Variants in FAM120B observed in about 807,000 individuals in gnomAD.
FAM120B encodes family with sequence similarity 120 member B.
FAM120B carries 83 observed loss-of-function variants against 96.3 expected under a neutral mutation model. The observed-to-expected ratio is 0.86, with a 90% confidence interval of 0.72 to 1.03. The LOEUF is 1.03. Among genes scored for constraint, FAM120B ranks in the 50% least tolerant of loss-of-function variants. The pLI, the probability that FAM120B is intolerant of heterozygous loss-of-function variation, is 0.00. For synonymous variants in FAM120B, 407 were observed against 402.7 expected (o/e 1.01, Z -0.13); for missense variants, 1,027 against 1,121.2 (o/e 0.92, Z 1.20).
chr6:170,318,193 C>T lies in FAM120B; in HGVS notation c.803C>T (p.Ser268Leu). 1 of 1,614,088 alleles carries T rather than the reference C, an allele frequency of 6.2e-7. No individual in the cohort carries two copies. The highest frequency in any genetic ancestry group is 1.1e-5 in the South Asian group (1 of 91,064). ...DKKGNIILAV[S>L]DHISKVLYLY... ...AAAGGTAACATCATATTAGCTGTGT[C>T]AGACCATATATCGAAAGTTCTTTAC... Residue 268 changes from serine to leucine, a missense_variant, in exon 2 of 11, where the codon TCA becomes TTA. Physicochemically the swap from Ser to Leu is moderately radical, Grantham distance 145. Transcript: ENST00000476287.
chr6:170,358,357 C>A, intron 6 of FAM120B, 39 bp downstream of exon 6: 2 of 1,366,378 alleles, frequency 1.5e-6, no homozygotes, highest in Non-Finnish European at 2.1e-6. Context: ...GCCCGGAAGA[C>A]AGCTGTGCAG....
At chr6:170,319,253 C>T (rs1446019395) in intron 2 of FAM120B, 129 bp downstream of exon 2, 8 of 845,954 alleles carry the variant, frequency 9.5e-6, no homozygotes, top group Admixed American at 5.5e-5. Context: ...CTCTAAGTCT[C>T]GTTAGGAAGT....
intron 1 of FAM120B, among the ~76,000 whole-genome samples, chr6:170,308,707 C>A (rs948663726): frequency 1.3e-5 from 2 of 152,188 alleles, no homozygotes; most frequent in Middle Eastern, 3.2e-3. Context: ...CAGCTTAGAT[C>A]CCTGCAAAAC....
chr6:170,313,797 G>A (rs571279073), intron 1 of FAM120B, among the ~76,000 whole-genome samples: 1 of 152,298 alleles, frequency 6.6e-6, no homozygotes, highest in Admixed American at 6.5e-5. Context: ...TTTAGCTTTA[G>A]ACAGTTATGC....
intron 8 of FAM120B, among the ~76,000 whole-genome samples, chr6:170,394,813 G>A (rs906346275): frequency 6.6e-6 from 1 of 152,282 alleles, no homozygotes; most frequent in Non-Finnish European, 1.5e-5. Flanking sequence ...CACTGCATGT[G>A]TGGTCACGCA....
chr6:170,331,019 A>G (rs1000263426), intron 4 of FAM120B, among the ~76,000 whole-genome samples: 1 of 152,254 alleles, frequency 6.6e-6, no homozygotes, highest in African/African-American at 2.4e-5. Flanking sequence ...GAGAAGATAA[A>G]GGAGGGTTAT....
chr6:170,332,654 C>T (rs560211012), intron 4 of FAM120B, among the ~76,000 whole-genome samples: 3 of 152,100 alleles, frequency 2.0e-5, no homozygotes, highest in South Asian at 4.2e-4. Flanking sequence ...GCCGAGATCA[C>T]GCCATTGCAC....
At chr6:170,401,915 A>G in intron 9 of FAM120B, among the ~76,000 whole-genome samples, 1 of 151,222 alleles carries the variant, frequency 6.6e-6, no homozygotes, top group East Asian at 1.9e-4. Flanking sequence ...CTGCCTCCGC[A>G]GCCTGCATCT....
At chr6:170,299,189 T>C (rs767375096) in intron 1 of FAM120B, among the ~76,000 whole-genome samples, 13 of 152,266 alleles carry the variant, frequency 8.5e-5, no homozygotes, top group South Asian at 4.1e-4. Flanking sequence ...GAAGGTTTTT[T>C]TTATTGTTGT....
intron 9 of FAM120B, among the ~76,000 whole-genome samples, chr6:170,398,085 G>A (rs894116213): frequency 6.6e-6 from 1 of 152,240 alleles, no homozygotes; most frequent in African/African-American, 2.4e-5. Flanking sequence ...GAGGCTACGG[G>A]TTCTGCAGAC....
chr6:170,346,235 T>TA (rs572628780), intron 4 of FAM120B, among the ~76,000 whole-genome samples: 146 of 152,170 alleles, frequency 9.6e-4, no homozygotes, highest in African/African-American at 3.3e-3. Context: ...GAAACACAGG[T>TA]AAAATCTTTC....
chr6:170,372,632 G>A (rs1383474851), intron 6 of FAM120B, among the ~76,000 whole-genome samples: 8 of 152,240 alleles, frequency 5.3e-5, no homozygotes, highest in Non-Finnish European at 8.8e-5. Context: ...GAGTGCAGGT[G>A]TTAACTGCAG....
chr6:170,363,787 CAG>C lies in FAM120B; in HGVS notation c.2283+5472_2283+5473del, dbSNP rs1343613456. Among the ~76,000 whole-genome samples the C allele has an allele frequency of 6.6e-6, 1 of 152,224 alleles. No individual in the cohort carries two copies. The highest frequency in any genetic ancestry group is 2.1e-4 in the South Asian group (1 of 4,828). On this transcript the variant is annotated intron_variant, in intron 6 of 10. Coordinates refer to ENST00000476287, the MANE Select transcript of FAM120B (RefSeq NM_032448.3). This position sits in a 1 kb window ranked among gnomAD's most constrained non-coding sequence, Gnocchi z 4.5. ...CATGTTTTATTTTGTTTTTTTTAGA[CAG>C]AGTCTCACCCTGTCACCCAGGCTAG...
intron 2 of FAM120B, among the ~76,000 whole-genome samples, chr6:170,320,413 A>G (rs1280711640): frequency 6.6e-6 from 1 of 152,236 alleles, no homozygotes; most frequent in Non-Finnish European, 1.5e-5. Context: ...TAAAGTGGCC[A>G]TTGTAGTAAC....
At chr6:170,333,689 T>C (rs927637548) in intron 4 of FAM120B, among the ~76,000 whole-genome samples, 1 of 152,174 alleles carries the variant, frequency 6.6e-6, no homozygotes, top group Non-Finnish European at 1.5e-5. Flanking sequence ...TTTCGCCTTG[T>C]TGGCCAGGCT....
intron 1 of FAM120B, among the ~76,000 whole-genome samples, chr6:170,314,900 C>T (rs1195303899): frequency 6.6e-6 from 1 of 152,218 alleles, no homozygotes; most frequent in African/African-American, 2.4e-5. Context: ...TGTAATGTCA[C>T]ACTCTAACTC....
Position 170,319,016 on chromosome 6 carries a change from A to G in FAM120B, c.1626A>G (p.Leu542=), listed in dbSNP as rs763978401. The G allele has an allele frequency of 1.2e-6, 2 of 1,614,112 alleles. No individual in the cohort carries two copies. Among genetic ancestry groups the G allele is most frequent in the East Asian group, 2.2e-5 (1 of 44,884 alleles). ...LPVATDFEFK[L]EALMCTNPEI... The stretch of plus-strand genomic sequence containing the variant: ...TAGCAACAGATTTTGAATTTAAGCT[A>G]GAAGCTCTCATGTGTACAAACCCTG... The change falls in exon 2 of 11, where the codon CTA becomes CTG. Residue 542 remains leucine, a synonymous_variant. Coordinates refer to ENST00000476287, the MANE Select transcript of FAM120B (RefSeq NM_032448.3).
intron 6 of FAM120B, among the ~76,000 whole-genome samples, chr6:170,375,071 G>A (rs1241540102): frequency 6.6e-6 from 1 of 152,220 alleles, no homozygotes; most frequent in Admixed American, 6.5e-5. Flanking sequence ...TTGGCCAGGT[G>A]GTGAGAGAGC....
chr6:170,355,192 A>G (rs558626684), intron 5 of FAM120B, among the ~76,000 whole-genome samples: 1 of 152,340 alleles, frequency 6.6e-6, no homozygotes, highest in South Asian at 2.1e-4. Flanking sequence ...GAGAAATACT[A>G]TTTGACCCAG....
Sources: gnomAD v4.1 joint callset for allele counts (sites outside exome capture counted in the v4.1 genomes callset) on GRCh38, gnomAD v4.1.1 for gene constraint, Gnocchi (gnomAD v3.1) non-coding constraint, MANE v1.5 for transcripts, NCBI Gene and HGNC (gene_info 2026-07-23, HGNC 2026-07-21) for gene names.